PCDHA11: variants seen among roughly 807,000 people sequenced by gnomAD.
PCDHA11 encodes protocadherin alpha 11, also known as protocadherin alpha-11.
PCDHA11 carries 61 observed loss-of-function variants against 70.3 expected under a neutral mutation model. The observed-to-expected ratio is 0.87, with a 90% confidence interval of 0.71 to 1.07. The LOEUF (loss-of-function observed/expected upper bound fraction) is 1.07. Ranked by LOEUF, PCDHA11 falls within the 50% of genes least tolerant of loss-of-function variation. The pLI is 0.00. For missense variants in PCDHA11, 1,324 were observed against 1,237.5 expected (o/e 1.07, Z -1.05); for synonymous variants, 633 against 555.1 (o/e 1.14, Z -1.97).
chr5:140,935,051 C>T (rs1554210307), intron 1 of PCDHA11, among the ~76,000 whole-genome samples: 1 of 152,096 alleles, frequency 6.6e-6, no homozygotes, highest in African/African-American at 2.4e-5. Context: ...TCTGGTATTA[C>T]AAGATGTTCA....
intron 1 of PCDHA11, chr5:140,875,899 T>C: frequency 1.2e-6 from 2 of 1,614,192 alleles, no homozygotes; most frequent in South Asian, 1.1e-5. Context: ...GGTACCTGTT[T>C]CTGAATCTGC....
At chr5:140,973,921 C>T (rs1407436010) in intron 1 of PCDHA11, among the ~76,000 whole-genome samples, 1 of 152,210 alleles carries the variant, frequency 6.6e-6, no homozygotes, top group Non-Finnish European at 1.5e-5. Context: ...TGTCACCAAA[C>T]CCAGAGGTTT....
At chr5:140,951,751 C>T (rs1206749897) in intron 1 of PCDHA11, among the ~76,000 whole-genome samples, 2 of 152,112 alleles carry the variant, frequency 1.3e-5, no homozygotes, top group Non-Finnish European at 2.9e-5. Flanking sequence ...CCTCACCCTC[C>T]GCGAAATCTC....
intron 1 of PCDHA11, among the ~76,000 whole-genome samples, chr5:140,888,192 A>T (rs906159358): frequency 6.6e-6 from 1 of 152,120 alleles, no homozygotes; most frequent in Non-Finnish European, 1.5e-5. Context: ...TGAATTTTAC[A>T]TTGTCGGATG....
At chr5:140,917,650 T>C (rs897307157) in intron 1 of PCDHA11, among the ~76,000 whole-genome samples, 1 of 152,226 alleles carries the variant, frequency 6.6e-6, no homozygotes. Context: ...CCAGCAATAT[T>C]GAGTAGGAAG....
intron 1 of PCDHA11, among the ~76,000 whole-genome samples, chr5:140,921,749 A>G (rs1366376226): frequency 6.6e-6 from 1 of 152,196 alleles, no homozygotes; most frequent in Non-Finnish European, 1.5e-5. Context: ...GCATAACAGG[A>G]CACTTCTTGG....
chr5:140,927,821 T>C (rs1554205108), intron 1 of PCDHA11: 1 of 1,614,118 alleles, frequency 6.2e-7, no homozygotes, highest in South Asian at 1.1e-5. Context: ...GAGGCATACA[T>C]TGAGGCGAGG....
intron 1 of PCDHA11, among the ~76,000 whole-genome samples, chr5:140,879,660 G>A (rs994440632): frequency 1.3e-5 from 2 of 152,154 alleles, no homozygotes; most frequent in East Asian, 1.9e-4. Flanking sequence ...TATAACAAAC[G>A]AACACAAACT....
Position 140,967,464 on chromosome 5 carries a change from G to A in PCDHA11, c.2392-11485G>A, listed in dbSNP as rs781900904. The A allele has an allele frequency of 1.9e-6, 3 of 1,613,386 alleles. No individual in the cohort carries two copies. In the East Asian group the frequency reaches 6.7e-5, roughly 36 times the overall value. ...CTGGTTCTCACAGCCGTGGATGGGG[G>A]CATCCCAGCCCGCTCGGGTACGGCA... On this transcript the variant is annotated intron_variant, in intron 1 of 3. Coordinates refer to ENST00000398640, the MANE Select transcript of PCDHA11 (RefSeq NM_018902.5).
At chr5:140,994,236 A>G (rs1222556974) in intron 3 of PCDHA11, among the ~76,000 whole-genome samples, 3 of 152,170 alleles carry the variant, frequency 2.0e-5, no homozygotes, top group African/African-American at 4.8e-5. Context: ...GTTATAATCA[A>G]TTCAAACCCT....
At chr5:140,922,863 G>A (rs1429324543) in intron 1 of PCDHA11, among the ~76,000 whole-genome samples, 10 of 152,160 alleles carry the variant, frequency 6.6e-5, no homozygotes, top group Admixed American at 5.2e-4. Context: ...ACATAGACAA[G>A]GGGAAAAAAT....
chr5:140,877,240 G>T, intron 1 of PCDHA11: 1 of 1,613,736 alleles, frequency 6.2e-7, no homozygotes, highest in Non-Finnish European at 8.5e-7. Flanking sequence ...TGCGGGCCAC[G>T]TGGTGGCGAA....
Position 140,961,691 on chromosome 5 carries a change from T to A in PCDHA11, c.2392-17258T>A, listed in dbSNP as rs963909259. On this transcript the variant is annotated intron_variant, in intron 1 of 3. Transcript: ENST00000398640. Reference sequence around the variant, plus strand: ...GTTTTTAATTAAGCCGGAGTAGTCCTTAGTATGAATGCCTTCATTTCTAAG... The same window carrying A: ...GTTTTTAATTAAGCCGGAGTAGTCCATAGTATGAATGCCTTCATTTCTAAG... Among the ~76,000 whole-genome samples the A allele has an allele frequency of 2.0e-5, 3 of 152,340 alleles. No individual in the cohort carries two copies. In the East Asian group the frequency reaches 5.8e-4, roughly 29 times the overall value.
At chr5:140,986,852 A>G (rs889945842) in intron 3 of PCDHA11, among the ~76,000 whole-genome samples, 1 of 152,190 alleles carries the variant, frequency 6.6e-6, no homozygotes, top group Admixed American at 6.5e-5. Flanking sequence ...CAGCAACACC[A>G]ACAATACCCG....
chr5:140,969,998 G>A (rs1345371434), intron 1 of PCDHA11, among the ~76,000 whole-genome samples: 2 of 152,220 alleles, frequency 1.3e-5, no homozygotes, highest in Non-Finnish European at 2.9e-5. Flanking sequence ...GGCTGTCAGA[G>A]GGAGTGGATG....
intron 1 of PCDHA11, chr5:140,968,461 C>G (rs141568667): frequency 1.4e-5 from 22 of 1,614,078 alleles, no homozygotes; most frequent in Non-Finnish European, 1.9e-5. Context: ...CTGTGACTGC[C>G]AACGTATATG....
chr5:140,882,331 C>A, intron 1 of PCDHA11: 1 of 1,614,214 alleles, frequency 6.2e-7, no homozygotes, highest in South Asian at 1.1e-5. Context: ...TTCTGATCCT[C>A]GCAGCCTGGG....
At position 140,973,042 on chromosome 5, in the gene PCDHA11, T is replaced by C. The variant is rs78535788; in HGVS notation, c.2392-5907T>C. Among the ~76,000 whole-genome samples the C allele has an allele frequency of 5.1e-3, 779 of 152,252 alleles. 6 individuals carry two copies. Among genetic ancestry groups the C allele is most frequent in the African/African-American group, 0.018 (740 of 41,542 alleles). ...TGTTAATGAGTCACTTTGAGTACTCTAGTAGATTTGTCCAACAGTGTCTCA... is the reference window on the plus strand; with the variant it reads ...TGTTAATGAGTCACTTTGAGTACTCCAGTAGATTTGTCCAACAGTGTCTCA... On this transcript the variant is annotated intron_variant, in intron 1 of 3. Transcript: ENST00000398640.
intron 1 of PCDHA11, among the ~76,000 whole-genome samples, chr5:140,872,595 C>G (rs1048527578): frequency 6.6e-6 from 1 of 152,102 alleles, no homozygotes; most frequent in African/African-American, 2.4e-5. Flanking sequence ...AGACCCCCAT[C>G]TGAAAAAATA....
Sources: allele counts gnomAD v4.1 joint callset (sites outside exome capture counted in the v4.1 genomes callset), GRCh38; gene constraint gnomAD v4.1.1; transcripts MANE v1.5; gene names NCBI Gene and HGNC (gene_info 2026-07-23, HGNC 2026-07-21).